The following MTHFS variants were observed in gnomAD, a reference collection of about 807,000 sequenced individuals.
MTHFS encodes the protein methenyltetrahydrofolate synthetase, also known as 5-formyltetrahydrofolate cyclo-ligase.
MTHFS carries 7 observed loss-of-function variants against 12.7 expected under a neutral mutation model. That is an observed-to-expected ratio of 0.55 (90% CI 0.31 to 1.03). MTHFS has a LOEUF of 1.03. MTHFS is among the 50% of genes least tolerant of loss of function. The pLI is 0.05. For synonymous variants in MTHFS, 100 were observed against 97.1 expected, an observed-to-expected ratio of 1.03 and a Z score of -0.18; for missense variants, 252 against 258.1, an observed-to-expected ratio of 0.98 and a Z score of 0.16.
At chr15:79,855,019 T>C (rs1286978175) in intron 2 of MTHFS, among the ~76,000 whole-genome samples, 5 of 152,164 alleles carry the variant, frequency 3.3e-5, no homozygotes, top group African/African-American at 9.7e-5. Context: ...AAAGTTTCAA[T>C]AGGACACAGC....
At chr15:79,855,938 T>G (rs1308225929) in intron 2 of MTHFS, among the ~76,000 whole-genome samples, 3 of 152,226 alleles carry the variant, frequency 2.0e-5, no homozygotes, top group Non-Finnish European at 4.4e-5. Context: ...TTAGGCTGAT[T>G]CCATGTCTTT....
At chr15:79,855,645 T>C (rs1334423482) in intron 2 of MTHFS, among the ~76,000 whole-genome samples, 1 of 152,160 alleles carries the variant, frequency 6.6e-6, no homozygotes, top group Non-Finnish European at 1.5e-5. Flanking sequence ...AATAGGTACT[T>C]TTTCTGATCC....
intron 2 of MTHFS, among the ~76,000 whole-genome samples, chr15:79,882,534 G>A (rs1264139928): frequency 6.6e-6 from 1 of 152,172 alleles, no homozygotes; most frequent in Non-Finnish European, 1.5e-5. Flanking sequence ...GAGGAGATAT[G>A]GCAGGTTCAG....
At chr15:79,866,627 C>A (rs373539447) in intron 2 of MTHFS, among the ~76,000 whole-genome samples, 1 of 152,156 alleles carries the variant, frequency 6.6e-6, no homozygotes, top group Non-Finnish European at 1.5e-5. Flanking sequence ...GGCAAACACA[C>A]GACCTTCCAA....
Position 79,889,256 on chromosome 15 carries a change from G to T in MTHFS, c.216C>A (p.Phe72Leu), listed in dbSNP as rs1372876935. 6.2e-7 allele frequency: 1 copy of T among 1,614,076 alleles called. No homozygotes were observed. The highest frequency in any genetic ancestry group is 1.3e-5 in the African/African-American group (1 of 74,918). ...IETEEIIKDI[F>L]QRGKICFIPR... ...GGATGAAGCAGATTTTGCCTCGTTG[G>T]AAAATGTCCTTGATGATCTCTTCTG... The change falls in exon 2 of 3, where the codon TTC becomes TTA. Residue 72 changes from phenylalanine to leucine, a missense_variant. By Grantham distance (22) the Phe-to-Leu change is conservative. Transcript: ENST00000258874.
At chr15:79,873,428 C>G (rs1813208787) in intron 2 of MTHFS, among the ~76,000 whole-genome samples, 1 of 152,080 alleles carries the variant, frequency 6.6e-6, no homozygotes, top group Non-Finnish European at 1.5e-5. Context: ...AGTAAGTACT[C>G]AAGAAATTTG....
chr15:79,864,501 C>A (rs568238102), intron 2 of MTHFS, among the ~76,000 whole-genome samples: 2 of 131,082 alleles, frequency 1.5e-5, no homozygotes, highest in East Asian at 2.4e-4. Flanking sequence ...GCCTAGATTG[C>A]GCCACTGCAC....
rs572667930 is a variant in MTHFS at position 79,896,323 on chromosome 15, G to C, written c.117+549C>G. Among the ~76,000 whole-genome samples the C allele has an allele frequency of 5.3e-5, 8 of 152,362 alleles. No individual in the cohort carries two copies. In the South Asian group the frequency reaches 1.7e-3, roughly 32 times the overall value. On this transcript the variant is annotated intron_variant, in intron 1 of 2. Coordinates refer to ENST00000258874, the MANE Select transcript of MTHFS (RefSeq NM_006441.4). The stretch of plus-strand genomic sequence containing the variant: ...CCCTCCATATGCTTAGTGAAGTCCA[G>C]TCAACCTCTGAGTTCTGCCCTTTGG...
Position 79,864,418 on chromosome 15 carries a change from G to A in MTHFS, c.380-18976C>T, listed in dbSNP as rs531967399. 1.8e-4 allele frequency among the ~76,000 whole-genome samples: 28 copies of A among 151,742 alleles called. No homozygotes were observed. In the South Asian group the frequency reaches 3.1e-3, roughly 17 times the overall value. On this transcript the variant is annotated intron_variant, in intron 2 of 2. Coordinates refer to ENST00000258874, the MANE Select transcript of MTHFS (RefSeq NM_006441.4). Reference sequence around the variant, plus strand: ...AAATTAGCCAAGTGTGGTGGTACGCGCCCATAGTCCCAGCTACTCAGGAGG... The same window carrying A: ...AAATTAGCCAAGTGTGGTGGTACGCACCCATAGTCCCAGCTACTCAGGAGG...
chr15:79,897,213 C>G, upstream of MTHFS: 1 of 448,930 alleles, frequency 2.2e-6, no homozygotes. Flanking sequence ...TGGTCCGGCT[C>G]GCCCTCCCCG....
At chr15:79,862,475 C>T (rs1413204889) in intron 2 of MTHFS, among the ~76,000 whole-genome samples, 1 of 152,178 alleles carries the variant, frequency 6.6e-6, no homozygotes, top group Admixed American at 6.5e-5. Context: ...GGGTGAGCAG[C>T]AGGACAATTC....
rs368701820 is a variant in MTHFS at position 79,852,135 on chromosome 15, A to C, written c.380-6693T>G. ...ATGCTTCTAAAACATGAAGAAGCTGAAATCCTAAAATAAAATACAGAACCA... is the reference window on the plus strand; with the variant it reads ...ATGCTTCTAAAACATGAAGAAGCTGCAATCCTAAAATAAAATACAGAACCA... On this transcript the variant is annotated intron_variant, in intron 2 of 2. Coordinates refer to ENST00000258874, the MANE Select transcript of MTHFS (RefSeq NM_006441.4). Among the ~76,000 whole-genome samples, 64 of 152,348 alleles carry C rather than the reference A, an allele frequency of 4.2e-4. 2 individuals carry two copies. The South Asian group carries it at 0.013, about 30-fold the overall frequency.
rs58698908 is a variant in MTHFS, at chr15:79,864,547, C to CAAAAAAAAAA, written c.380-19115_380-19106dup. ...GCAACAAAGTGAGACTCCATCTCAA[C>CAAAAAAAAAA]AAAAAAAAAAAAAAAAAAAAAAAAA... is the stretch of plus-strand genomic sequence containing the variant. On this transcript the variant is annotated intron_variant, in intron 2 of 2. Transcript: ENST00000258874. 1.6e-3 allele frequency among the ~76,000 whole-genome samples: 105 copies of CAAAAAAAAAA among 64,528 alleles called. 3 individuals are homozygous for CAAAAAAAAAA. Among genetic ancestry groups the CAAAAAAAAAA allele is most frequent in the Non-Finnish European group, 1.8e-3 (67 of 37,422 alleles). The allele number at this position is 64,528 out of a possible 152,430, so 42.3% of individuals were successfully genotyped here. A position where few individuals can be genotyped will look rare whatever the true frequency, so the allele number is the denominator to read the frequency against.
chr15:79,877,592 T>C (rs1211993875), intron 2 of MTHFS: 1 of 152,126 alleles, frequency 6.6e-6, no homozygotes, highest in Non-Finnish European at 1.5e-5. Flanking sequence ...TCCTAGCTAC[T>C]TGGGAGGCTG....
At position 79,873,193 on chromosome 15, in the gene MTHFS, T is replaced by C. The variant is rs77330595; in HGVS notation, c.379+15900A>G. Among the ~76,000 whole-genome samples the C allele has an allele frequency of 5.5e-3, 834 of 152,228 alleles. 7 individuals carry two copies. Among genetic ancestry groups the C allele is most frequent in the African/African-American group, 0.019 (793 of 41,514 alleles). On this transcript the variant is annotated intron_variant, in intron 2 of 2. Coordinates refer to ENST00000258874, the MANE Select transcript of MTHFS (RefSeq NM_006441.4). Reference sequence around the variant, plus strand: ...AGGCTCCAGCTATAGATATATGATGTAGTGGTTTAGGGCTGGGGTCTTAAC... The same window carrying C: ...AGGCTCCAGCTATAGATATATGATGCAGTGGTTTAGGGCTGGGGTCTTAAC...
At chr15:79,895,872 A>G (rs2034558878) in intron 1 of MTHFS, among the ~76,000 whole-genome samples, 1 of 152,244 alleles carries the variant, frequency 6.6e-6, no homozygotes, top group Non-Finnish European at 1.5e-5. Flanking sequence ...GTGTCTCTGA[A>G]GCATGATGCT....
intron 2 of MTHFS, among the ~76,000 whole-genome samples, chr15:79,882,737 A>G (rs1384665759): frequency 6.6e-6 from 1 of 152,202 alleles, no homozygotes; most frequent in African/African-American, 2.4e-5. Flanking sequence ...GCCAACTCAC[A>G]GCTCCCAATT....
At chr15:79,872,603 T>G (rs1397573381) in intron 2 of MTHFS, among the ~76,000 whole-genome samples, 1 of 152,226 alleles carries the variant, frequency 6.6e-6, no homozygotes, top group Non-Finnish European at 1.5e-5. Context: ...CATTTGGCTA[T>G]ATGTAAATTA....
At position 79,872,584 on chromosome 15, in the gene MTHFS, G is replaced by A. The variant is rs118170594; in HGVS notation, c.379+16509C>T. 2.6e-3 allele frequency among the ~76,000 whole-genome samples: 400 copies of A among 152,320 alleles called. 3 individuals are homozygous for A. The East Asian group carries it at 0.052, about 20-fold the overall frequency. On this transcript the variant is annotated intron_variant, in intron 2 of 2. Transcript: ENST00000258874. Reference sequence around the variant, plus strand: ...CCTGGCAACTGTATTTAACATTCAGGTAAACCCACATTTGGCTATATGTAA... The same window carrying A: ...CCTGGCAACTGTATTTAACATTCAGATAAACCCACATTTGGCTATATGTAA...
Sources: gnomAD v4.1 joint callset for allele counts (sites outside exome capture counted in the v4.1 genomes callset) on GRCh38, gnomAD v4.1.1 for gene constraint, MANE v1.5 for transcripts, NCBI Gene and HGNC (gene_info 2026-07-23, HGNC 2026-07-21) for gene names.